Variants in RFC1 observed in about 807,000 individuals in gnomAD.
The protein encoded by RFC1 is replication factor C subunit 1.
In RFC1, 37 loss-of-function variants were observed where a neutral mutation model predicts 137.4. The ratio of observed to expected loss-of-function variants is 0.27; its 90% CI spans 0.21 to 0.35. The LOEUF is 0.35. RFC1 is among the 10% of genes least tolerant of loss of function. The pLI is 1.00. For missense variants in RFC1, 1,205 were observed against 1,358.5 expected (o/e 0.89, Z 1.78); for synonymous variants, 429 against 455.7 (o/e 0.94, Z 0.75).
At chr4:39,302,434 C>T in intron 18 of RFC1, 58 bp from the exon 19 acceptor site, 1 of 1,510,414 alleles carries the variant, frequency 6.6e-7, no homozygotes. Context: ...GCTCCCCATC[C>T]CTACAAGGTT....
Position 39,336,094 on chromosome 4 carries a change from C to G in RFC1, c.331+6251G>C, listed in dbSNP as rs113981297. On this transcript the variant is annotated intron_variant, in intron 4 of 24. Coordinates refer to ENST00000349703, the MANE Select transcript of RFC1 (RefSeq NM_002913.5). ...TGCCCTTTTCAAATCTCCTTCCTCTCCATATGCCACTTAATTTTTTTCAGG... is the reference window on the plus strand; with the variant it reads ...TGCCCTTTTCAAATCTCCTTCCTCTGCATATGCCACTTAATTTTTTTCAGG... Among the ~76,000 whole-genome samples the G allele has an allele frequency of 3.0e-3, 464 of 152,196 alleles. 1 individual carries two copies. The highest frequency in any genetic ancestry group is 0.011 in the African/African-American group (437 of 41,528).
At chr4:39,334,377 T>C (rs1030673235) in intron 4 of RFC1, among the ~76,000 whole-genome samples, 1 of 152,224 alleles carries the variant, frequency 6.6e-6, no homozygotes, top group African/African-American at 2.4e-5. Context: ...CCTTTGCCCT[T>C]AACATTTTAA....
intron 1 of RFC1, among the ~76,000 whole-genome samples, chr4:39,355,282 C>T (rs1741416417): frequency 6.6e-6 from 1 of 151,670 alleles, no homozygotes; most frequent in African/African-American, 2.4e-5. Flanking sequence ...AAAAAATCAG[C>T]CTAGTGTAGT....
In RFC1 at chr4:39,302,287, A is replaced by G; in HGVS notation, c.2526T>C (p.Asp842=). The G allele has an allele frequency of 6.2e-7, 1 of 1,604,488 alleles. No individual in the cohort carries two copies. Among genetic ancestry groups the G allele is most frequent in the Non-Finnish European group, 8.5e-7 (1 of 1,171,290 alleles). ...TGGACATTTATTTTACCATTTTGAT[A>G]TCCTTTTTGGCTCTGTGAGAATCAG... The part of the protein sequence containing the change: ...AKADSHRAKK[D]IKMGPFDVAR... The change falls in exon 19 of 25, where the codon GAT becomes GAC. Residue 842 remains aspartate (D), a synonymous_variant. Transcript: ENST00000349703.
At chr4:39,340,480 C>T (rs187772237) in intron 4 of RFC1, among the ~76,000 whole-genome samples, 48 of 152,190 alleles carry the variant, frequency 3.2e-4, no homozygotes, top group Admixed American at 9.2e-4. Context: ...TTTTATTTAA[C>T]CTTATACTGG....
chr4:39,295,698 G>T lies in RFC1; in HGVS notation c.2870C>A (p.Thr957Asn). 6.2e-7 allele frequency: 1 copy of T among 1,613,714 alleles called. No individual in the cohort carries two copies. The highest frequency in any genetic ancestry group is 8.5e-7 in the Non-Finnish European group (1 of 1,179,736). Residue 957 changes from threonine to asparagine, a missense_variant, in exon 22 of 25, where the codon ACC (threonine) becomes AAC (asparagine). Physicochemically the swap from Thr to Asn is moderately conservative, Grantham distance 65. This residue lies in a region of RFC1 where 237 missense variants were observed against 304.2 expected (regional missense o/e 0.78). Coordinates refer to ENST00000349703, the MANE Select transcript of RFC1 (RefSeq NM_002913.5). ...LMRGYMTQFPTFPSWLGKHSS... is the reference protein window; with the variant it reads ...LMRGYMTQFPNFPSWLGKHSS... Reference sequence around the variant, plus strand: ...GTGCTTCCCCAGCCAGCTTGGGAAGGTGGGAAACTGGGTCATGTACCCCCT... The same window carrying T: ...GTGCTTCCCCAGCCAGCTTGGGAAGTTGGGAAACTGGGTCATGTACCCCCT...
chr4:39,292,519 G>A (rs1737737284), intron 22 of RFC1, among the ~76,000 whole-genome samples: 1 of 152,144 alleles, frequency 6.6e-6, no homozygotes. Flanking sequence ...CTTAAAGACA[G>A]AAAGCAACTG....
intron 1 of RFC1, among the ~76,000 whole-genome samples, chr4:39,360,550 AAAAT>A (rs2109780691): frequency 7.6e-6 from 1 of 132,426 alleles, no homozygotes; most frequent in African/African-American, 2.8e-5. Context: ...AAAATAAAAT[AAAAT>A]AAATACAATA....
At chr4:39,289,827 G>C in intron 24 of RFC1, 21 bp downstream of exon 24, 9 of 1,557,506 alleles carry the variant, frequency 5.8e-6, no homozygotes, top group African/African-American at 1.4e-5. Flanking sequence ...AGGTTCTCCT[G>C]TCTGTGGCTT....
At position 39,300,138 on chromosome 4, in the gene RFC1, C is replaced by A; in HGVS notation, c.2691G>T (p.Gly897=). ...GCATCAGGTGCTTTTTCATGTCACC[C>A]CTGCAGGAAAGAACCAGTCTGGATT... ...NYIHVKPVAA[G]GDMKKHLMLL... is the part of the protein sequence containing the mutation. The change falls in exon 21 of 25, where the codon GGG becomes GGT. Residue 897 remains glycine (G), a splice_region_variant and synonymous_variant. Transcript: ENST00000349703. 1 of 1,613,470 alleles carries A rather than the reference C, an allele frequency of 6.2e-7. No individual in the cohort carries two copies. The highest frequency in any genetic ancestry group is 1.1e-5 in the South Asian group (1 of 91,058).
chr4:39,359,984 C>G (rs761695937), intron 1 of RFC1, among the ~76,000 whole-genome samples: 1 of 151,810 alleles, frequency 6.6e-6, no homozygotes, highest in Non-Finnish European at 1.5e-5. Flanking sequence ...ACTCATGTAA[C>G]CAAATACCAC....
chr4:39,332,206 T>C (rs1202544078), intron 4 of RFC1, among the ~76,000 whole-genome samples: 2 of 152,212 alleles, frequency 1.3e-5, no homozygotes, highest in South Asian at 2.1e-4. Flanking sequence ...ATCGGACTAA[T>C]ACACCCTTTT....
intron 11 of RFC1, among the ~76,000 whole-genome samples, chr4:39,312,276 T>C (rs1408586711): frequency 6.6e-6 from 1 of 152,184 alleles, no homozygotes; most frequent in East Asian, 1.9e-4. Flanking sequence ...TGCCGAACTA[T>C]CCCAGCAATA....
At chr4:39,337,213 A>G (rs1488680643) in intron 4 of RFC1, among the ~76,000 whole-genome samples, 2 of 152,122 alleles carry the variant, frequency 1.3e-5, no homozygotes, top group East Asian at 1.9e-4. Flanking sequence ...TGTCTCTACT[A>G]AAAATACAAA....
chr4:39,307,074 A>C (rs1162587067), intron 13 of RFC1, among the ~76,000 whole-genome samples: 1 of 152,184 alleles, frequency 6.6e-6, no homozygotes, highest in Non-Finnish European at 1.5e-5. Context: ...GAAGTGACTT[A>C]GCCCCTCTGT....
intron 7 of RFC1, among the ~76,000 whole-genome samples, chr4:39,322,700 G>C (rs1011300622): frequency 3.3e-5 from 5 of 151,758 alleles, no homozygotes; most frequent in African/African-American, 1.2e-4. Context: ...GATAGCTTGA[G>C]CCCATGAGTT....
At chr4:39,296,437 A>G (rs1354096349) in intron 21 of RFC1, among the ~76,000 whole-genome samples, 2 of 98,518 alleles carry the variant, frequency 2.0e-5, no homozygotes, top group Non-Finnish European at 3.9e-5. Flanking sequence ...AGAGTGTGAT[A>G]TTCCCCTTCC....
At chr4:39,296,234 CTTTCTTTTTTTT>C (rs1301726424) in intron 21 of RFC1, among the ~76,000 whole-genome samples, 6 of 137,462 alleles carry the variant, frequency 4.4e-5, no homozygotes, top group East Asian at 4.2e-4. Context: ...AGGGTTTTCA[CTTTCTTTTTTTT>C]TTTCTTTTTT....
In RFC1 at chr4:39,288,195, TAAAA is replaced by T. The variant is rs908889816; in HGVS notation, c.*562_*565del. On this transcript the variant is annotated 3_prime_UTR_variant, in exon 25 of 25. Coordinates refer to ENST00000349703, the MANE Select transcript of RFC1 (RefSeq NM_002913.5). ...ATTTTGCTGTACAAGATGACAATCT[TAAAA>T]AGAATTTGTACACATATCATGTGGA... 2.0e-5 allele frequency: 3 copies of T among 152,230 alleles called. No homozygotes were observed. The highest frequency in any genetic ancestry group is 4.8e-5 in the African/African-American group (2 of 41,460). The allele number at this position is 152,230 out of a possible 1,614,324, so 9.4% of individuals were successfully genotyped here.
Sources: gnomAD v4.1 joint callset for allele counts (sites outside exome capture counted in the v4.1 genomes callset) on GRCh38, gnomAD v4.1.1 for gene constraint, gnomAD v4.1.1 regional missense constraint, MANE v1.5 for transcripts, NCBI Gene and HGNC (gene_info 2026-07-23, HGNC 2026-07-21) for gene names.